Variants in MNDA observed in about 807,000 individuals in gnomAD.
MNDA encodes the protein myeloid cell nuclear differentiation antigen.
Under a neutral mutation model 37.8 loss-of-function variants are expected in MNDA, and 43 were observed. The ratio of observed to expected loss-of-function variants is 1.14; its 90% confidence interval spans 0.89 to 1.47. The LOEUF is 1.47. Among genes scored for constraint, MNDA ranks in the 40% most tolerant of loss-of-function variants. The pLI is 0.00. For synonymous variants in MNDA, 181 were observed against 169.0 expected, an observed-to-expected ratio of 1.07 and a Z score of -0.55; for missense variants, 536 against 476.0, an observed-to-expected ratio of 1.13 and a Z score of -1.17.
Position 158,843,433 on chromosome 1 carries a change from G to A in MNDA, c.402+18G>A. The A allele has an allele frequency of 6.3e-7, 1 of 1,586,584 alleles. No homozygotes were observed. Among genetic ancestry groups the A allele is most frequent in the Non-Finnish European group, 8.6e-7 (1 of 1,168,540 alleles). The stretch of plus-strand genomic sequence containing the variant: ...TAGCTCAGGTAAGCTTGAGAAAGAG[G>A]AGCAGGACTGAAGCCTCACAGAAGA... On this transcript the variant is annotated intron_variant, in intron 3 of 6. Transcript: ENST00000368141.
At chr1:158,839,264 T>C (rs571811424) in intron 1 of MNDA, among the ~76,000 whole-genome samples, 1 of 152,324 alleles carries the variant, frequency 6.6e-6, no homozygotes, top group East Asian at 1.9e-4. Flanking sequence ...ATAAACGTTC[T>C]CTGAGGCCTA....
intron 1 of MNDA, among the ~76,000 whole-genome samples, chr1:158,834,827 T>G (rs1658876052): frequency 1.3e-5 from 2 of 152,232 alleles, no homozygotes; most frequent in East Asian, 3.8e-4. Context: ...GGTTCAACTT[T>G]TTGTATACAG....
intron 1 of MNDA, among the ~76,000 whole-genome samples, chr1:158,836,939 T>A (rs913517127): frequency 3.5e-4 from 53 of 151,892 alleles, no homozygotes; most frequent in Non-Finnish European, 4.3e-4. Context: ...TGGATTTAAA[T>A]TTGACTTGTG....
At chr1:158,845,016 G>T (rs1012864747) in intron 4 of MNDA, among the ~76,000 whole-genome samples, 2 of 152,120 alleles carry the variant, frequency 1.3e-5, no homozygotes, top group Non-Finnish European at 2.9e-5. Context: ...GTCAATGAGG[G>T]TGATTTAATT....
At chr1:158,833,749 C>A (rs1005320452) in intron 1 of MNDA, among the ~76,000 whole-genome samples, 2 of 152,118 alleles carry the variant, frequency 1.3e-5, no homozygotes, top group African/African-American at 4.8e-5. Context: ...ATTCATTCAT[C>A]CATTGAAGGA....
intron 4 of MNDA, among the ~76,000 whole-genome samples, chr1:158,844,583 G>A (rs899608948): frequency 6.0e-5 from 9 of 150,990 alleles, no homozygotes; most frequent in African/African-American, 2.2e-4. Flanking sequence ...GAAATGCTGT[G>A]TATACACAGT....
intron 1 of MNDA, among the ~76,000 whole-genome samples, chr1:158,832,934 C>G (rs1027601081): frequency 6.6e-6 from 1 of 152,020 alleles, no homozygotes; most frequent in African/African-American, 2.4e-5. Context: ...TGCCATCTTA[C>G]TTTGTTTCAA....
rs1419960802 is a variant in MNDA at position 158,831,550 on chromosome 1, C to T, written c.-28C>T. On this transcript the variant is annotated 5_prime_UTR_variant, in exon 1 of 7. Coordinates refer to ENST00000368141, the MANE Select transcript of MNDA (RefSeq NM_002432.3). The stretch of plus-strand genomic sequence containing the variant: ...CTGAAGACTATTGTGGAAGAAGCAT[C>T]CATTAAGGTGAGATTTCTGGGAAGT... 2 of 152,182 alleles carry T rather than the reference C, an allele frequency of 1.3e-5. No homozygotes were observed. Among genetic ancestry groups the T allele is most frequent in the East Asian group, 1.9e-4 (1 of 5,176 alleles). 9.4% of individuals were successfully genotyped at this position (152,182 alleles called of 1,614,324 possible). A position where few individuals can be genotyped will look rare whatever the true frequency, so the allele number is the denominator to read the frequency against.
intron 1 of MNDA, among the ~76,000 whole-genome samples, chr1:158,839,800 C>G (rs1658993795): frequency 6.6e-6 from 1 of 152,156 alleles, no homozygotes; most frequent in Admixed American, 6.5e-5. Context: ...CAATTCTTAA[C>G]AGCTGAAAAC....
At chr1:158,832,863 T>G (rs2102043337) in intron 1 of MNDA, among the ~76,000 whole-genome samples, 1 of 152,198 alleles carries the variant, frequency 6.6e-6, no homozygotes, top group East Asian at 1.9e-4. Context: ...TTTTTCCTCC[T>G]AGTTGATGAG....
At chr1:158,843,516 A>T (rs911139623) in intron 3 of MNDA, 101 bp downstream of exon 3, 1 of 1,221,194 alleles carries the variant, frequency 8.2e-7, no homozygotes, top group East Asian at 2.9e-5. Context: ...AGATTTACCA[A>T]ATTAGTAATT....
intron 4 of MNDA, 44 bp from the exon 5 acceptor site, chr1:158,845,543 T>C: frequency 6.4e-7 from 1 of 1,558,360 alleles, no homozygotes. Context: ...CCCGGCCTCC[T>C]GCTCAAAGTT....
chr1:158,847,942 GT>G (rs752629488), intron 6 of MNDA, 26 bp downstream of exon 6: 3 of 1,590,300 alleles, frequency 1.9e-6, no homozygotes, highest in Non-Finnish European at 2.6e-6. Flanking sequence ...AGGAGAATGA[GT>G]TTGCTAAAGA....
chr1:158,839,965 A>T (rs1156809242), intron 1 of MNDA, among the ~76,000 whole-genome samples: 5 of 152,188 alleles, frequency 3.3e-5, no homozygotes, highest in African/African-American at 1.2e-4. Flanking sequence ...GACCAGATAC[A>T]AAATTTTAGT....
intron 1 of MNDA, among the ~76,000 whole-genome samples, chr1:158,834,564 A>G (rs1010500727): frequency 6.6e-6 from 1 of 152,108 alleles, no homozygotes; most frequent in Non-Finnish European, 1.5e-5. Context: ...CTCATTCTCT[A>G]GGTTCCCTTT....
At chr1:158,838,212 C>G (rs945907809) in intron 1 of MNDA, among the ~76,000 whole-genome samples, 2 of 151,902 alleles carry the variant, frequency 1.3e-5, no homozygotes, top group Admixed American at 6.6e-5. Context: ...GAGTTACCAT[C>G]TAGCATCCTT....
In MNDA at chr1:158,842,269, T is replaced by C. The variant is rs1237788276; in HGVS notation, c.116T>C (p.Met39Thr). ...LAYDLGLTTK[M>T]QEEYNRIKIT... ...TATGATTTAGGACTAACTACAAAAATGCAAGAGGAATACAACAGAATTAAG... is the reference window on the plus strand; with the variant it reads ...TATGATTTAGGACTAACTACAAAAACGCAAGAGGAATACAACAGAATTAAG... The change falls in exon 2 of 7, where the codon ATG (methionine) becomes ACG (threonine). Residue 39 changes from methionine to threonine, a missense_variant. Transcript: ENST00000368141. 1 of 1,614,058 alleles carries C rather than the reference T, an allele frequency of 6.2e-7. No individual in the cohort carries two copies. Among genetic ancestry groups the C allele is most frequent in the Non-Finnish European group, 8.5e-7 (1 of 1,179,990 alleles).
rs199811474 is a variant in MNDA, at chr1:158,843,308, G to T, written c.295G>T (p.Ala99Ser). 3 of 1,610,824 alleles carry T rather than the reference G, an allele frequency of 1.9e-6. No individual in the cohort carries two copies. Among genetic ancestry groups the T allele is most frequent in the South Asian group, 1.1e-5 (1 of 90,772 alleles). Reference protein sequence around the residue: ...VAKKIKTQEKAPVKKINQEEV... With the variant: ...VAKKIKTQEKSPVKKINQEEV... ...TAAGAAAATTAAAACACAAGAAAAA[G>T]CTCCAGTGAAAAAAATAAACCAGGA... is the stretch of plus-strand genomic sequence containing the variant. The change falls in exon 3 of 7, where the codon GCT (alanine) becomes TCT (serine). Residue 99 changes from alanine to serine, a missense_variant. Coordinates refer to ENST00000368141, the MANE Select transcript of MNDA (RefSeq NM_002432.3).
At chr1:158,840,598 C>T (rs1659012897) in intron 1 of MNDA, among the ~76,000 whole-genome samples, 1 of 152,132 alleles carries the variant, frequency 6.6e-6, no homozygotes, top group Admixed American at 6.6e-5. Flanking sequence ...TCATCCCTTC[C>T]CAAGCCCCCA....
Sources: gnomAD v4.1 joint callset for allele counts (sites outside exome capture counted in the v4.1 genomes callset) on GRCh38, gnomAD v4.1.1 for gene constraint, MANE v1.5 for transcripts, NCBI Gene and HGNC (gene_info 2026-07-23, HGNC 2026-07-21) for gene names.